NEGR1: variants seen among roughly 807,000 people sequenced by gnomAD.
The protein encoded by NEGR1 is neuronal growth regulator 1.
NEGR1 carries 10 observed loss-of-function variants against 40.9 expected under a neutral mutation model. That is an observed-to-expected ratio of 0.24 (90% CI 0.15 to 0.42). NEGR1 has a LOEUF of 0.42. Ranked by LOEUF, NEGR1 falls within the 10% of genes least tolerant of loss-of-function variation. NEGR1 has a pLI of 1.00. For synonymous variants in NEGR1, 185 were observed against 166.8 expected, an observed-to-expected ratio of 1.11 and a Z score of -0.84; for missense variants, 352 against 438.9, an observed-to-expected ratio of 0.80 and a Z score of 1.77.
At chr1:71,913,940 C>G (rs535751258) in intron 2 of NEGR1, among the ~76,000 whole-genome samples, 1 of 151,962 alleles carries the variant, frequency 6.6e-6, no homozygotes, top group East Asian at 1.9e-4. Context: ...GTCTCTAATC[C>G]CTCAGTGATA....
intron 2 of NEGR1, among the ~76,000 whole-genome samples, chr1:71,838,646 G>A (rs765735958): frequency 1.9e-4 from 29 of 152,114 alleles, no homozygotes; most frequent in Non-Finnish European, 3.4e-4. Context: ...TTCATTCAGA[G>A]TAGTCTTGAA....
At chr1:71,924,827 A>C (rs983305265) in intron 2 of NEGR1, among the ~76,000 whole-genome samples, 6 of 152,176 alleles carry the variant, frequency 3.9e-5, no homozygotes, top group Non-Finnish European at 8.8e-5. Flanking sequence ...ATTATAGAGA[A>C]TAAGAAGGTT....
chr1:72,213,591 T>C (rs1487833247), intron 1 of NEGR1, among the ~76,000 whole-genome samples: 2 of 151,888 alleles, frequency 1.3e-5, no homozygotes, highest in East Asian at 3.9e-4. Flanking sequence ...AGAAAGGGGA[T>C]ATAAAAAGTA....
chr1:71,687,962 T>G (rs1381663708), intron 4 of NEGR1, among the ~76,000 whole-genome samples: 1 of 152,116 alleles, frequency 6.6e-6, no homozygotes, highest in Non-Finnish European at 1.5e-5. Context: ...GATGAAGAAA[T>G]TTGGCAATTT....
At chr1:72,211,359 C>T (rs903049533) in intron 1 of NEGR1, among the ~76,000 whole-genome samples, 1 of 151,272 alleles carries the variant, frequency 6.6e-6, no homozygotes, top group Non-Finnish European at 1.5e-5. Flanking sequence ...TTTCTAAGAC[C>T]CATCTGCAAT....
chr1:72,068,807 G>A (rs944072880), intron 1 of NEGR1, among the ~76,000 whole-genome samples: 2 of 151,994 alleles, frequency 1.3e-5, no homozygotes, highest in Admixed American at 1.3e-4. Flanking sequence ...TGCCAGTTTG[G>A]AATTATTCTT....
chr1:71,416,901 C>G (rs1208837819), intron 6 of NEGR1, among the ~76,000 whole-genome samples: 3 of 152,178 alleles, frequency 2.0e-5, no homozygotes, highest in African/African-American at 7.2e-5. Flanking sequence ...GCCACCTGCT[C>G]ACAAAGTTAG....
intron 2 of NEGR1, among the ~76,000 whole-genome samples, chr1:71,803,072 T>A (rs569509274): frequency 6.6e-6 from 1 of 152,152 alleles, no homozygotes; most frequent in Non-Finnish European, 1.5e-5. Context: ...CAAATTTATA[T>A]GTTGAAATCC....
At chr1:71,944,747 G>A (rs1646001750) in intron 1 of NEGR1, among the ~76,000 whole-genome samples, 1 of 152,068 alleles carries the variant, frequency 6.6e-6, no homozygotes, top group Non-Finnish European at 1.5e-5. Flanking sequence ...GCCAGGCACT[G>A]CTGGATTTTT....
intron 2 of NEGR1, among the ~76,000 whole-genome samples, chr1:71,809,608 G>A (rs187002060): frequency 2.4e-3 from 360 of 152,138 alleles, no homozygotes; most frequent in African/African-American, 8.2e-3. Context: ...GGTATCCATA[G>A]CAATAATGAA....
chr1:72,026,087 G>A (rs1192774624), intron 1 of NEGR1, among the ~76,000 whole-genome samples: 1 of 125,856 alleles, frequency 7.9e-6, no homozygotes. Context: ...CTCCAGCCTG[G>A]GCGACAGAGC....
intron 4 of NEGR1, among the ~76,000 whole-genome samples, chr1:71,644,304 C>T (rs1357396360): frequency 6.6e-6 from 1 of 151,896 alleles, no homozygotes; most frequent in African/African-American, 2.4e-5. Flanking sequence ...CCTTCTAGTC[C>T]CCGCTCACAC....
intron 1 of NEGR1, among the ~76,000 whole-genome samples, chr1:72,116,673 TCTGA>T (rs1227206470): frequency 2.0e-5 from 3 of 151,756 alleles, no homozygotes; most frequent in African/African-American, 7.2e-5. Flanking sequence ...TAATATTTAT[TCTGA>T]CTTACAGGTA....
intron 4 of NEGR1, among the ~76,000 whole-genome samples, chr1:71,685,322 AC>A: frequency 8.0e-6 from 1 of 125,302 alleles, no homozygotes; most frequent in East Asian, 2.6e-4. Context: ...AATTGACATT[AC>A]TTTTTTTTTT....
intron 6 of NEGR1, among the ~76,000 whole-genome samples, chr1:71,428,968 C>T (rs924738086): frequency 1.3e-5 from 2 of 152,032 alleles, no homozygotes; most frequent in Non-Finnish European, 2.9e-5. Flanking sequence ...GAAAAGAATA[C>T]TTTAAAAATC....
rs1646253086 is a variant in NEGR1 at position 71,402,477 on chromosome 1, C to T, written c.*4969G>A. ...CTAGGGAGAAGAATGAAACGTATTC[C>T]TCTTTTCCTTTTCTCTAGGAATACC... On this transcript the variant is annotated 3_prime_UTR_variant, in exon 7 of 7. Transcript: ENST00000357731. 6.6e-6 allele frequency: 1 copy of T among 152,098 alleles called. No individual in the cohort carries two copies. The highest frequency in any genetic ancestry group is 1.5e-5 in the Non-Finnish European group (1 of 67,984). 9.4% of individuals were successfully genotyped at this position (152,098 alleles called of 1,614,324 possible). A position where few individuals can be genotyped will look rare whatever the true frequency, so the allele number is the denominator to read the frequency against.
chr1:71,561,556 G>C (rs1247111132), intron 6 of NEGR1, among the ~76,000 whole-genome samples: 1 of 151,602 alleles, frequency 6.6e-6, no homozygotes, highest in Non-Finnish European at 1.5e-5. Flanking sequence ...AGAGATAATT[G>C]CAAAATTTTG....
At chr1:71,966,363 C>T (rs767525714) in intron 1 of NEGR1, among the ~76,000 whole-genome samples, 18 of 152,086 alleles carry the variant, frequency 1.2e-4, no homozygotes, top group South Asian at 2.1e-4. Context: ...GTGCATGGAT[C>T]GAAAAGTATT....
intron 4 of NEGR1, among the ~76,000 whole-genome samples, chr1:71,623,205 C>T: frequency 6.6e-6 from 1 of 151,716 alleles, no homozygotes; most frequent in East Asian, 1.9e-4. Flanking sequence ...TTCTCCCTGC[C>T]TCAACCCCGC....
Sources: allele counts gnomAD v4.1 joint callset (sites outside exome capture counted in the v4.1 genomes callset), GRCh38; gene constraint gnomAD v4.1.1; transcripts MANE v1.5; gene names NCBI Gene and HGNC (gene_info 2026-07-23, HGNC 2026-07-21).